The following MAB21L3 variants were observed in gnomAD, a reference collection of about 807,000 sequenced individuals.
The protein encoded by MAB21L3 is protein mab-21-like 3.
In MAB21L3, 36 loss-of-function variants were observed where a neutral mutation model predicts 37.7. That is an observed-to-expected ratio of 0.96 (90% CI 0.73 to 1.26). MAB21L3 has a LOEUF of 1.26. MAB21L3 is among the 50% of genes most tolerant of loss of function. MAB21L3 has a pLI of 0.00. For synonymous variants in MAB21L3, 186 were observed against 176.8 expected, an observed-to-expected ratio of 1.05 and a Z score of -0.41; for missense variants, 430 against 447.3, an observed-to-expected ratio of 0.96 and a Z score of 0.35.
chr1:116,121,310 G>A (rs1659741464), intron 4 of MAB21L3, among the ~76,000 whole-genome samples: 1 of 152,172 alleles, frequency 6.6e-6, no homozygotes, highest in Admixed American at 6.5e-5. Flanking sequence ...AGGATGGCTT[G>A]AGGCCAAGAG....
chr1:116,126,178 T>C (rs1227500291), intron 5 of MAB21L3, among the ~76,000 whole-genome samples: 1 of 152,200 alleles, frequency 6.6e-6, no homozygotes, highest in African/African-American at 2.4e-5. Flanking sequence ...TCCAATCTAT[T>C]TCAAGAATTG....
rs1400910084 is a variant in MAB21L3, at chr1:116,137,428, C to T, written c.*4063C>T. 1.5e-5 allele frequency among the ~76,000 whole-genome samples: 2 copies of T among 135,366 alleles called. No homozygotes were observed. Among genetic ancestry groups the T allele is most frequent in the Non-Finnish European group, 3.0e-5 (2 of 66,162 alleles). The allele number at this position is 135,366 out of a possible 152,430, so 88.8% of individuals were successfully genotyped here. A position where few individuals can be genotyped will look rare whatever the true frequency, so the allele number is the denominator to read the frequency against. On this transcript the variant is annotated 3_prime_UTR_variant, in exon 8 of 8. Transcript: ENST00000369500. ...TGCAAATCAAAACCACAGTGAGATA[C>T]CATCTCACACCAGTTAGAATGGCAA... is the stretch of plus-strand genomic sequence containing the variant.
intron 3 of MAB21L3, among the ~76,000 whole-genome samples, chr1:116,114,835 G>C (rs1456829037): frequency 6.6e-6 from 1 of 152,244 alleles, no homozygotes; most frequent in Non-Finnish European, 1.5e-5. Context: ...CGGTGCATTA[G>C]TTGTGATGGG....
At position 116,135,967 on chromosome 1, in the gene MAB21L3, G is replaced by T. The variant is rs1660191157; in HGVS notation, c.*2602G>T. ...AACTCTCAATAAATTAGGTATTGAT[G>T]GGACGTATTTCAAAATAATAAGAGC... On this transcript the variant is annotated 3_prime_UTR_variant, in exon 8 of 8. Transcript: ENST00000369500. 6.6e-6 allele frequency among the ~76,000 whole-genome samples: 1 copy of T among 151,048 alleles called. No homozygotes were observed. The highest frequency in any genetic ancestry group is 6.6e-5 in the Admixed American group (1 of 15,204).
At chr1:116,133,045 C>A in intron 7 of MAB21L3, 87 bp from the exon 8 acceptor site, 1 of 1,130,846 alleles carries the variant, frequency 8.8e-7, no homozygotes. Flanking sequence ...TCCCTCCTTC[C>A]AAGGCCACAT....
At chr1:116,120,432 A>ACAAAC in intron 3 of MAB21L3, among the ~76,000 whole-genome samples, 1 of 109,726 alleles carries the variant, frequency 9.1e-6, no homozygotes, top group African/African-American at 6.7e-5. Context: ...CACACACACA[A>ACAAAC]ACACACACAC....
At chr1:116,116,139 T>C (rs1659580991) in intron 3 of MAB21L3, among the ~76,000 whole-genome samples, 1 of 152,160 alleles carries the variant, frequency 6.6e-6, no homozygotes, top group Non-Finnish European at 1.5e-5. Context: ...ATGAACTTCT[T>C]GCTGTATCTG....
At chr1:116,128,055 T>C in intron 6 of MAB21L3, 90 bp from the exon 7 acceptor site, 3 of 1,381,412 alleles carry the variant, frequency 2.2e-6, no homozygotes, top group Non-Finnish European at 3.0e-6. Context: ...GGTGACAAGT[T>C]CCCCAGACCA....
At chr1:116,128,072 T>C in intron 6 of MAB21L3, 73 bp from the exon 7 acceptor site, 1 of 1,487,144 alleles carries the variant, frequency 6.7e-7, no homozygotes, top group Non-Finnish European at 9.1e-7. Context: ...ACCAGCAGAC[T>C]GCTTCAGAAA....
rs947343286 is a variant in MAB21L3 at position 116,134,439 on chromosome 1, A to T, written c.*1074A>T. ...TATTACAGATGGAAGCAAGTGCTTC[A>T]AAGGAAATAAACAGAATGTTGAAGT... On this transcript the variant is annotated 3_prime_UTR_variant, in exon 8 of 8. Transcript: ENST00000369500. 1 of 152,274 alleles carries T rather than the reference A, an allele frequency of 6.6e-6. No individual in the cohort carries two copies. Among genetic ancestry groups the T allele is most frequent in the African/African-American group, 2.4e-5 (1 of 41,468 alleles). 9.4% of individuals were successfully genotyped at this position (152,274 alleles called of 1,614,324 possible). A position where few individuals can be genotyped will look rare whatever the true frequency, so the allele number is the denominator to read the frequency against.
At chr1:116,115,459 T>C (rs1012178455) in intron 3 of MAB21L3, among the ~76,000 whole-genome samples, 3 of 152,240 alleles carry the variant, frequency 2.0e-5, no homozygotes, top group Non-Finnish European at 2.9e-5. Flanking sequence ...TGTTGAAATT[T>C]TTCTAACTGA....
rs139044659 is a variant in MAB21L3, at chr1:116,127,466, G to A, written c.482G>A (p.Gly161Asp). The change falls in exon 6 of 8, where the codon GGT becomes GAT. Residue 161 changes from glycine (G) to aspartate (D), a missense_variant and splice_region_variant. By Grantham distance (94) the Gly-to-Asp change is moderately conservative (BLOSUM62 -1). Coordinates refer to ENST00000369500, the MANE Select transcript of MAB21L3 (RefSeq NM_152367.3). Reference sequence around the variant, plus strand: ...TATCCATTTGGTCATTTCCCACCAGGTAAGGTCAGCCTGCTAGGAAACCGC... The same window carrying A: ...TATCCATTTGGTCATTTCCCACCAGATAAGGTCAGCCTGCTAGGAAACCGC... ...ENAVRTCHLS[G>D]KVSLLGNRSA... The A allele has an allele frequency of 5.6e-6, 9 of 1,613,104 alleles. No individual in the cohort carries two copies. Among genetic ancestry groups the A allele is most frequent in the Non-Finnish European group, 7.6e-6 (9 of 1,179,492 alleles).
intron 4 of MAB21L3, among the ~76,000 whole-genome samples, chr1:116,123,129 G>A (rs1659797644): frequency 6.6e-6 from 1 of 152,202 alleles, no homozygotes; most frequent in Non-Finnish European, 1.5e-5. Context: ...ACAGCCGAAG[G>A]CGTGCATGCA....
At chr1:116,115,667 C>T (rs909287098) in intron 3 of MAB21L3, among the ~76,000 whole-genome samples, 6 of 152,130 alleles carry the variant, frequency 3.9e-5, no homozygotes, top group Non-Finnish European at 7.3e-5. Flanking sequence ...TGCAAGGAAG[C>T]GTATCGGAAT....
At chr1:116,127,975 C>T (rs1659957354) in intron 6 of MAB21L3, among the ~76,000 whole-genome samples, 170 bp from the exon 7 acceptor site, 1 of 152,140 alleles carries the variant, frequency 6.6e-6, no homozygotes, top group Non-Finnish European at 1.5e-5. Context: ...TCTAACTGTC[C>T]ACATCCAAGG....
At chr1:116,131,715 C>T (rs940856773) in intron 7 of MAB21L3, among the ~76,000 whole-genome samples, 6 of 152,030 alleles carry the variant, frequency 3.9e-5, no homozygotes, top group Non-Finnish European at 8.8e-5. Context: ...GGGGTTTCAC[C>T]GTGTTAGCCA....
chr1:116,115,572 T>A (rs566912155), intron 3 of MAB21L3, among the ~76,000 whole-genome samples: 3 of 152,198 alleles, frequency 2.0e-5, no homozygotes, highest in African/African-American at 7.2e-5. Flanking sequence ...GGGAATGACA[T>A]ACACATAGTC....
At chr1:116,122,577 T>A (rs922912253) in intron 4 of MAB21L3, among the ~76,000 whole-genome samples, 1 of 152,230 alleles carries the variant, frequency 6.6e-6, no homozygotes, top group Non-Finnish European at 1.5e-5. Context: ...GCCTGTTTTT[T>A]AAAGATAGGG....
At position 116,128,251 on chromosome 1, in the gene MAB21L3, G is replaced by C; in HGVS notation, c.767G>C (p.Arg256Pro). 1.2e-6 allele frequency: 2 copies of C among 1,614,126 alleles called. No homozygotes were observed. The highest frequency in any genetic ancestry group is 1.7e-6 in the Non-Finnish European group (2 of 1,180,012). ...LEQLDEDGGC[R>P]RKCFQVMRHL... ...CAGCTGGATGAAGATGGGGGCTGCC[G>C]TAGGAAGTGTTTTCAGGTCATGAGG... The change falls in exon 7 of 8, where the codon CGT becomes CCT. Residue 256 changes from arginine (R) to proline (P), a missense_variant. Arg to Pro is a moderately radical substitution (Grantham distance 103). Coordinates refer to ENST00000369500, the MANE Select transcript of MAB21L3 (RefSeq NM_152367.3).
Sources: gnomAD v4.1 joint callset for allele counts (sites outside exome capture counted in the v4.1 genomes callset) on GRCh38, gnomAD v4.1.1 for gene constraint, MANE v1.5 for transcripts, NCBI Gene and HGNC (gene_info 2026-07-23, HGNC 2026-07-21) for gene names.